Variants in ELF2 observed in about 807,000 individuals in gnomAD.
ELF2 encodes the protein E74 like ETS transcription factor 2.
ELF2 carries 11 observed loss-of-function variants against 54.8 expected under a neutral mutation model. That is an observed-to-expected ratio of 0.20 (90% CI 0.13 to 0.33). ELF2 has a LOEUF of 0.33. Ranked by LOEUF, ELF2 falls within the 10% of genes least tolerant of loss-of-function variation. The probability of loss-of-function intolerance (pLI) is 1.00; values close to 1 mark genes in which losing one functional copy is unlikely to be tolerated. For synonymous variants in ELF2, 203 were observed against 245.1 expected (o/e 0.83, Z 1.61); for missense variants, 513 against 703.0 (o/e 0.73, Z 3.06).
rs771419601 is a variant in ELF2, at chr4:139,072,014, T to C, written c.378A>G (p.Val126=). The change falls in exon 6 of 10, where the codon GTA becomes GTG. Residue 126 remains valine, a synonymous_variant. Coordinates refer to ENST00000686138, the MANE Select transcript of ELF2 (RefSeq NM_001331036.3). ...CAGCATGGATGAATTCTGGAGTTGA[T>C]ACACAAGGAGGAACAAACACTTCCA... ...SPVEVFVPPC[V]STPEFIHAAM... The C allele has an allele frequency of 1.2e-6, 2 of 1,609,316 alleles. No homozygotes were observed. Among genetic ancestry groups the C allele is most frequent in the South Asian group, 1.1e-5 (1 of 89,654 alleles).
chr4:139,161,971 G>A (rs552378599), intron 1 of ELF2, among the ~76,000 whole-genome samples: 1 of 152,294 alleles, frequency 6.6e-6, no homozygotes, highest in South Asian at 2.1e-4. Context: ...GTGGACGCCT[G>A]TAGTCCCAGC....
At chr4:139,078,299 C>T (rs549800591) in intron 4 of ELF2, among the ~76,000 whole-genome samples, 10 of 152,260 alleles carry the variant, frequency 6.6e-5, no homozygotes, top group Non-Finnish European at 1.3e-4. Flanking sequence ...TTAGAAAACA[C>T]TTCATTAGGT....
chr4:139,134,061 T>C (rs1737840708), intron 3 of ELF2, among the ~76,000 whole-genome samples: 1 of 152,228 alleles, frequency 6.6e-6, no homozygotes, highest in South Asian at 2.1e-4. Context: ...AACCTTGCCT[T>C]GCTCTCAACC....
chr4:139,065,295 T>C lies in ELF2; in HGVS notation c.613+2389A>G, dbSNP rs113576368. Reference sequence around the variant, plus strand: ...GAGTATGAGAATAGCCTAGGCAACATAGGGGGACCCGTCTCTACAAAAAAT... The same window carrying C: ...GAGTATGAGAATAGCCTAGGCAACACAGGGGGACCCGTCTCTACAAAAAAT... On this transcript the variant is annotated intron_variant, in intron 7 of 9. Coordinates refer to ENST00000686138, the MANE Select transcript of ELF2 (RefSeq NM_001331036.3). Among the ~76,000 whole-genome samples, 1,074 of 152,152 alleles carry C rather than the reference T, an allele frequency of 7.1e-3. 16 individuals are homozygous for C. The highest frequency in any genetic ancestry group is 0.024 in the African/African-American group (1,012 of 41,490).
At chr4:139,163,679 C>G (rs755719212) in intron 1 of ELF2, among the ~76,000 whole-genome samples, 2 of 151,712 alleles carry the variant, frequency 1.3e-5, no homozygotes, top group African/African-American at 2.4e-5. Context: ...TTTGGGAGGC[C>G]GAAGCAGCCA....
At position 139,177,180 on chromosome 4, in the gene ELF2, G is replaced by A. The variant is rs1395219882; in HGVS notation, c.-465C>T. ...CGCCCCACCGACCCCCAACCGCCTA[G>A]GCGACGGCGGCGACACAGAGCTTGG... is the stretch of plus-strand genomic sequence containing the variant. On this transcript the variant is annotated 5_prime_UTR_variant, in exon 1 of 10. Coordinates refer to ENST00000686138, the MANE Select transcript of ELF2 (RefSeq NM_001331036.3). The A allele has an allele frequency of 6.6e-6, 1 of 150,718 alleles. No homozygotes were observed. Among genetic ancestry groups the A allele is most frequent in the African/African-American group, 2.4e-5 (1 of 40,838 alleles). The allele number at this position is 150,718 out of a possible 1,614,324, so 9.3% of individuals were successfully genotyped here. A position where few individuals can be genotyped will look rare whatever the true frequency, so the allele number is the denominator to read the frequency against.
At chr4:139,100,773 T>G (rs544990073) in intron 4 of ELF2, 11 of 152,370 alleles carry the variant, frequency 7.2e-5, no homozygotes, top group Middle Eastern at 3.4e-3. Context: ...TAGAATCCAC[T>G]GAAAGATTTT....
At chr4:139,086,430 G>A (rs902874244) in intron 4 of ELF2, among the ~76,000 whole-genome samples, 1 of 152,016 alleles carries the variant, frequency 6.6e-6, no homozygotes, top group African/African-American at 2.4e-5. Context: ...GTCTACAGAT[G>A]TACAAAGAAA....
intron 4 of ELF2, among the ~76,000 whole-genome samples, chr4:139,113,219 G>A (rs1305729716): frequency 6.6e-6 from 1 of 152,000 alleles, no homozygotes; most frequent in Non-Finnish European, 1.5e-5. Context: ...TTAGCTGAGT[G>A]TCGTGGCATT....
At chr4:139,160,901 T>C (rs1490049504) in intron 1 of ELF2, among the ~76,000 whole-genome samples, 1 of 152,136 alleles carries the variant, frequency 6.6e-6, no homozygotes, top group Non-Finnish European at 1.5e-5. Context: ...AGGTGGAGGT[T>C]GCAGTGAGCT....
At chr4:139,111,920 G>A (rs765941562) in intron 4 of ELF2, among the ~76,000 whole-genome samples, 2 of 152,090 alleles carry the variant, frequency 1.3e-5, no homozygotes, top group Non-Finnish European at 2.9e-5. Context: ...AGAAACCAAG[G>A]AGTTCAGACT....
chr4:139,097,491 C>A (rs920133040), intron 4 of ELF2, among the ~76,000 whole-genome samples: 2 of 151,972 alleles, frequency 1.3e-5, no homozygotes, highest in Admixed American at 1.3e-4. Flanking sequence ...GTAGCATATG[C>A]CCGTAATCCC....
intron 4 of ELF2, among the ~76,000 whole-genome samples, chr4:139,085,062 C>T (rs904759087): frequency 2.0e-5 from 3 of 152,122 alleles, no homozygotes; most frequent in African/African-American, 7.2e-5. Context: ...CTGTTTGGCT[C>T]ACTTGGAAAC....
intron 7 of ELF2, 111 bp from the exon 8 acceptor site, chr4:139,062,168 T>C: frequency 1.7e-6 from 2 of 1,162,396 alleles, no homozygotes; most frequent in Non-Finnish European, 2.4e-6. Context: ...AATATACTTG[T>C]TTCTACTTTT....
chr4:139,113,836 C>A (rs1027586326), intron 4 of ELF2, among the ~76,000 whole-genome samples: 1 of 143,916 alleles, frequency 6.9e-6, no homozygotes, highest in Non-Finnish European at 1.5e-5. Context: ...GCCTGGACAA[C>A]AGAGAAAGAC....
At chr4:139,174,499 T>C (rs1269989852) in intron 1 of ELF2, among the ~76,000 whole-genome samples, 2 of 152,104 alleles carry the variant, frequency 1.3e-5, no homozygotes, top group Non-Finnish European at 1.5e-5. Flanking sequence ...GCTGTAAAAT[T>C]GAGTATAGTG....
intron 4 of ELF2, among the ~76,000 whole-genome samples, chr4:139,120,230 A>G (rs1233226134): frequency 6.6e-6 from 1 of 152,008 alleles, no homozygotes; most frequent in African/African-American, 2.4e-5. Context: ...AAAAAGCAGA[A>G]TATTTTACCT....
chr4:139,141,756 C>A (rs1738721831), intron 1 of ELF2, among the ~76,000 whole-genome samples: 1 of 152,158 alleles, frequency 6.6e-6, no homozygotes, highest in Admixed American at 6.6e-5. Flanking sequence ...CTGGTCAACC[C>A]TTACAGGCGG....
At chr4:139,080,339 T>C (rs916554192) in intron 4 of ELF2, among the ~76,000 whole-genome samples, 2 of 152,238 alleles carry the variant, frequency 1.3e-5, no homozygotes, top group Admixed American at 6.5e-5. Flanking sequence ...TTCATTTTAA[T>C]GTATCTATTC....
Sources: allele counts gnomAD v4.1 joint callset (sites outside exome capture counted in the v4.1 genomes callset), GRCh38; gene constraint gnomAD v4.1.1; transcripts MANE v1.5; gene names NCBI Gene and HGNC (gene_info 2026-07-23, HGNC 2026-07-21).